The following ADAMTSL3 variants were observed in gnomAD, a reference collection of about 807,000 sequenced individuals.
ADAMTSL3 encodes ADAMTS like 3.
In ADAMTSL3, 128 loss-of-function variants were observed where a neutral mutation model predicts 201.7. The ratio of observed to expected loss-of-function variants is 0.63; its 90% CI spans 0.55 to 0.73. ADAMTSL3 has a LOEUF of 0.73. Ranked by LOEUF, ADAMTSL3 falls within the 30% of genes least tolerant of loss-of-function variation. The pLI is 0.00. For synonymous variants in ADAMTSL3, 738 were observed against 748.4 expected, an observed-to-expected ratio of 0.99 and a Z score of 0.23; for missense variants, 1,990 against 2,119.6, an observed-to-expected ratio of 0.94 and a Z score of 1.20.
intron 23 of ADAMTSL3, among the ~76,000 whole-genome samples, chr15:84,002,936 C>CTTTTTTTTTTTTTTTT (rs368176543): frequency 2.0e-3 from 202 of 99,872 alleles, no homozygotes; most frequent in East Asian, 3.3e-3. Context: ...CTTTTCTTTT[C>CTTTTTTTTTTTTTTTT]TTTTTTTTTT....
At position 83,934,866 on chromosome 15, in the gene ADAMTSL3, TA is replaced by T. The variant is rs1474328420; in HGVS notation, c.2118-7724del. On this transcript the variant is annotated intron_variant, in intron 17 of 29. Transcript: ENST00000286744. ...TACACAATGGAATACTATTCAGCCA[TA>T]AAAAAGAATGAAATCTTGTCTTTTG... is the stretch of plus-strand genomic sequence containing the variant. 2.6e-5 allele frequency among the ~76,000 whole-genome samples: 4 copies of T among 152,278 alleles called. No individual in the cohort carries two copies. The East Asian group carries it at 7.7e-4, about 29-fold the overall frequency.
At chr15:83,779,960 T>C (rs1385966908) in intron 4 of ADAMTSL3, among the ~76,000 whole-genome samples, 1 of 152,162 alleles carries the variant, frequency 6.6e-6, no homozygotes, top group African/African-American at 2.4e-5. Context: ...TAGCACTAAA[T>C]GCCCACATCA....
intron 16 of ADAMTSL3, among the ~76,000 whole-genome samples, chr15:83,922,369 G>A (rs12907501): frequency 0.14 from 21,220 of 152,086 alleles, 1,928 homozygotes; most frequent in Middle Eastern, 0.33. Context: ...TTATAATGGG[G>A]CTTTAAGGCC....
chr15:83,713,807 G>A lies in ADAMTSL3; in HGVS notation c.189+9299G>A, dbSNP rs1237396768. Among the ~76,000 whole-genome samples the A allele has an allele frequency of 3.3e-5, 5 of 152,296 alleles. No individual in the cohort carries two copies. The South Asian group carries it at 8.3e-4, about 25-fold the overall frequency. On this transcript the variant is annotated intron_variant, in intron 3 of 29. Transcript: ENST00000286744. ...GGCTTATTCAGAAATGTTTCCTTTT[G>A]TTTGGCCAATTCTAGCCTACGTCAA... is the stretch of plus-strand genomic sequence containing the variant.
intron 3 of ADAMTSL3, among the ~76,000 whole-genome samples, chr15:83,751,185 GA>G (rs2062631476): frequency 6.6e-6 from 1 of 152,142 alleles, no homozygotes; most frequent in Non-Finnish European, 1.5e-5. Flanking sequence ...GCTGAAATTT[GA>G]AGAATGAAAA....
chr15:83,870,867 C>G lies in ADAMTSL3; in HGVS notation c.868C>G (p.Leu290Val), dbSNP rs4144691. The G allele has an allele frequency of 0.8, 1,287,143 of 1,612,476 alleles. 515,906 individuals are homozygous for G. Among genetic ancestry groups the G allele is most frequent in the African/African-American group, 0.94 (70,532 of 74,974 alleles). The change falls in exon 9 of 30, where the codon CTC (leucine) becomes GTC (valine). Residue 290 changes from leucine to valine, a missense_variant. Coordinates refer to ENST00000286744, the MANE Select transcript of ADAMTSL3 (RefSeq NM_207517.3). ...CAGCTTTAACAGCCCCGGCGTCTTT[C>G]TCGTAGAAAACACAACAGTGGAATT... ...EHSFNSPGVF[L>V]VENTTVEFQR...
intron 8 of ADAMTSL3, among the ~76,000 whole-genome samples, chr15:83,859,905 G>C (rs569035995): frequency 6.6e-6 from 1 of 152,302 alleles, no homozygotes; most frequent in Admixed American, 6.5e-5. Context: ...GTTCACGCCT[G>C]TAATGCCAGC....
At chr15:83,899,355 G>A (rs111698212) in intron 14 of ADAMTSL3, among the ~76,000 whole-genome samples, 3 of 152,280 alleles carry the variant, frequency 2.0e-5, no homozygotes, top group African/African-American at 7.2e-5. Context: ...ATGAACAACA[G>A]AAATTGGTAT....
chr15:83,899,856 T>G, intron 15 of ADAMTSL3, 125 bp downstream of exon 15: 55 of 1,287,120 alleles, frequency 4.3e-5, no homozygotes, highest in Non-Finnish European at 5.2e-5. Flanking sequence ...TTACAGACTC[T>G]AGAGAGCTTG....
At chr15:83,741,097 A>G (rs1368870161) in intron 3 of ADAMTSL3, among the ~76,000 whole-genome samples, 1 of 152,004 alleles carries the variant, frequency 6.6e-6, no homozygotes, top group Non-Finnish European at 1.5e-5. Flanking sequence ...CTGGTATAAT[A>G]CAGATACTGA....
chr15:83,788,673 G>T (rs2063299710), intron 4 of ADAMTSL3, among the ~76,000 whole-genome samples: 1 of 152,114 alleles, frequency 6.6e-6, no homozygotes, highest in African/African-American at 2.4e-5. Flanking sequence ...CTAACGTTAT[G>T]CCTTGGTGTG....
At chr15:83,706,431 C>T (rs2061852109) in intron 3 of ADAMTSL3, among the ~76,000 whole-genome samples, 2 of 152,084 alleles carry the variant, frequency 1.3e-5, no homozygotes, top group East Asian at 1.9e-4. Flanking sequence ...TATGAAAACA[C>T]TCTGTGTTGC....
At chr15:83,828,843 T>C (rs1596285086) in intron 6 of ADAMTSL3, among the ~76,000 whole-genome samples, 1 of 152,258 alleles carries the variant, frequency 6.6e-6, no homozygotes, top group East Asian at 1.9e-4. Flanking sequence ...GATTTTCATA[T>C]GTTGAACCAG....
chr15:83,932,732 G>A (rs930718919), intron 17 of ADAMTSL3, among the ~76,000 whole-genome samples: 2 of 152,156 alleles, frequency 1.3e-5, no homozygotes, highest in Non-Finnish European at 2.9e-5. Flanking sequence ...TGTAAATCCT[G>A]CAAGGAGGAA....
intron 4 of ADAMTSL3, among the ~76,000 whole-genome samples, chr15:83,776,489 G>A (rs556912753): frequency 1.2e-4 from 19 of 152,288 alleles, no homozygotes; most frequent in African/African-American, 3.6e-4. Flanking sequence ...AGGCCGAGGC[G>A]GGTGGATCAC....
At chr15:83,678,770 ATATAACAT>A (rs1273626099) in intron 2 of ADAMTSL3, among the ~76,000 whole-genome samples, 1,947 of 135,820 alleles carry the variant, frequency 0.014, 53 homozygotes, top group African/African-American at 0.05. Context: ...TTGTGTATAT[ATATAACAT>A]TAATATATAT....
intron 15 of ADAMTSL3, among the ~76,000 whole-genome samples, chr15:83,903,235 G>A (rs1456353706): frequency 8.3e-6 from 1 of 120,000 alleles, no homozygotes; most frequent in East Asian, 2.8e-4. Flanking sequence ...TCTTTCGGCT[G>A]CCAGATCTTT....
chr15:83,760,566 T>G (rs1393640635), intron 3 of ADAMTSL3, among the ~76,000 whole-genome samples: 1 of 152,122 alleles, frequency 6.6e-6, no homozygotes, highest in Non-Finnish European at 1.5e-5. Flanking sequence ...ACCTGCTTGA[T>G]AAGTTAATGA....
chr15:83,852,431 G>C (rs1249849663), intron 7 of ADAMTSL3, among the ~76,000 whole-genome samples: 1 of 152,082 alleles, frequency 6.6e-6, no homozygotes, highest in Non-Finnish European at 1.5e-5. Flanking sequence ...TTTTTAACTG[G>C]TGATATAAAA....
Sources: gnomAD v4.1 joint callset for allele counts (sites outside exome capture counted in the v4.1 genomes callset) on GRCh38, gnomAD v4.1.1 for gene constraint, MANE v1.5 for transcripts, NCBI Gene and HGNC (gene_info 2026-07-23, HGNC 2026-07-21) for gene names.